Variants in FBXL20 observed in about 807,000 individuals in gnomAD.
FBXL20 encodes the protein F-box/LRR-repeat protein 20.
Under a neutral mutation model 64.0 loss-of-function variants are expected in FBXL20, and 11 were observed. The ratio of observed to expected loss-of-function variants is 0.17; its 90% CI spans 0.11 to 0.28. The LOEUF (loss-of-function observed/expected upper bound fraction) is 0.28. Ranked by LOEUF, FBXL20 falls within the 10% of genes least tolerant of loss-of-function variation. The pLI, the probability that FBXL20 is intolerant of heterozygous loss-of-function variation, is 1.00. For missense variants in FBXL20, 303 were observed against 526.2 expected (o/e 0.58, Z 4.15); for synonymous variants, 184 against 189.0 (o/e 0.97, Z 0.22).
intron 1 of FBXL20, among the ~76,000 whole-genome samples, chr17:39,398,034 G>A (rs1283487667): frequency 3.2e-5 from 2 of 62,170 alleles, no homozygotes; most frequent in African/African-American, 7.6e-5. Context: ...TTGGGAGGCC[G>A]GCGGGCGGGG....
At chr17:39,291,197 G>A (rs888024737) in intron 6 of FBXL20, among the ~76,000 whole-genome samples, 11 of 151,244 alleles carry the variant, frequency 7.3e-5, no homozygotes, top group Non-Finnish European at 1.5e-4. Context: ...TCCTGACCTC[G>A]TGATCACCCG....
chr17:39,337,566 T>A (rs532708718), intron 2 of FBXL20, among the ~76,000 whole-genome samples: 20 of 147,082 alleles, frequency 1.4e-4, no homozygotes, highest in African/African-American at 4.9e-4. Context: ...CCGCCCCGTC[T>A]GGGATGTGAG....
At chr17:39,363,834 C>CAAAAAAAAAAAAA (rs113673962) in intron 1 of FBXL20, among the ~76,000 whole-genome samples, 5 of 59,384 alleles carry the variant, frequency 8.4e-5, no homozygotes, top group Admixed American at 1.8e-4. Flanking sequence ...AAACAAAAAA[C>CAAAAAAAAAAAAA]AAAAAAAAAA....
chr17:39,317,713 T>G (rs2051982), intron 2 of FBXL20, among the ~76,000 whole-genome samples: 1,254 of 110,258 alleles, frequency 0.011, 16 homozygotes, highest in East Asian at 0.073. Flanking sequence ...TTTTTTTTTT[T>G]TTTTTTGAGA....
At chr17:39,391,303 G>A (rs571742119) in intron 1 of FBXL20, among the ~76,000 whole-genome samples, 23 of 149,612 alleles carry the variant, frequency 1.5e-4, no homozygotes, top group South Asian at 6.4e-4. Context: ...AGCAGGAATC[G>A]AAAGCAGTAT....
intron 1 of FBXL20, among the ~76,000 whole-genome samples, chr17:39,348,177 T>C (rs1312046410): frequency 6.6e-6 from 1 of 151,552 alleles, no homozygotes; most frequent in African/African-American, 2.4e-5. Context: ...AAAGATGATG[T>C]CTCGGCTGAG....
chr17:39,367,265 T>C (rs2047869633), intron 1 of FBXL20, among the ~76,000 whole-genome samples: 4 of 152,030 alleles, frequency 2.6e-5, no homozygotes, highest in Admixed American at 2.6e-4. Context: ...TGTCCTCTCA[T>C]TGTAGAATTC....
intron 2 of FBXL20, among the ~76,000 whole-genome samples, chr17:39,337,217 A>G (rs1345046684): frequency 1.3e-5 from 2 of 152,182 alleles, no homozygotes; most frequent in African/African-American, 4.8e-5. Context: ...CCAGCTCCTA[A>G]CCACGAGTGA....
At chr17:39,328,891 A>G (rs1300042606) in intron 2 of FBXL20, among the ~76,000 whole-genome samples, 1 of 152,026 alleles carries the variant, frequency 6.6e-6, no homozygotes, top group Non-Finnish European at 1.5e-5. Flanking sequence ...CTATCTCTAC[A>G]AAAAATTTAA....
intron 6 of FBXL20, among the ~76,000 whole-genome samples, chr17:39,286,035 G>T (rs1410472807): frequency 6.6e-6 from 1 of 152,162 alleles, no homozygotes; most frequent in Non-Finnish European, 1.5e-5. Flanking sequence ...TTTTTGCAAG[G>T]TATACAAAGG....
intron 2 of FBXL20, among the ~76,000 whole-genome samples, chr17:39,338,012 C>T (rs879168176): frequency 1.3e-5 from 2 of 152,134 alleles, no homozygotes; most frequent in Admixed American, 6.5e-5. Flanking sequence ...CCCCTCTGCC[C>T]GGCCACCACC....
At chr17:39,322,531 A>T (rs1424996386) in intron 2 of FBXL20, among the ~76,000 whole-genome samples, 1 of 152,160 alleles carries the variant, frequency 6.6e-6, no homozygotes, top group Non-Finnish European at 1.5e-5. Context: ...TGAGAAGTGT[A>T]TAAAAGTTAA....
intron 2 of FBXL20, among the ~76,000 whole-genome samples, chr17:39,309,763 G>T (rs1043507390): frequency 1.2e-4 from 17 of 145,796 alleles, no homozygotes; most frequent in African/African-American, 4.4e-4. Context: ...CTGCACTCCA[G>T]CCTAGGTGAC....
intron 1 of FBXL20, among the ~76,000 whole-genome samples, chr17:39,395,628 C>T (rs1469495629): frequency 6.6e-6 from 1 of 152,120 alleles, no homozygotes; most frequent in Admixed American, 6.6e-5. Flanking sequence ...GTACTCAATC[C>T]CATTGCAAAG....
At chr17:39,356,822 AT>A (rs36030405) in intron 1 of FBXL20, among the ~76,000 whole-genome samples, 124 of 145,196 alleles carry the variant, frequency 8.5e-4, no homozygotes, top group South Asian at 8.7e-4. Context: ...CACCTGGCTA[AT>A]TTTTTTTTTT....
In FBXL20 at chr17:39,253,537, T is replaced by C. The variant is rs1182572720; in HGVS notation, c.*7923A>G. 1 of 152,306 alleles carries C rather than the reference T, an allele frequency of 6.6e-6. No homozygotes were observed. The highest frequency in any genetic ancestry group is 3.2e-3 in the Middle Eastern group (1 of 316). The allele number at this position is 152,306 out of a possible 1,614,324, so 9.4% of individuals were successfully genotyped here. ...ACTCAGGGCTCCAAGAGCCACACCA[T>C]GGTGAGAAAGGACATGGGTAGCTTC... On this transcript the variant is annotated 3_prime_UTR_variant, in exon 15 of 15. Coordinates refer to ENST00000264658, the MANE Select transcript of FBXL20 (RefSeq NM_032875.3).
intron 9 of FBXL20, among the ~76,000 whole-genome samples, chr17:39,280,880 C>T (rs532035463): frequency 6.6e-6 from 1 of 152,238 alleles, no homozygotes; most frequent in Middle Eastern, 3.4e-3. Context: ...CTTCCCACCT[C>T]AGCCTCCCAA....
chr17:39,337,289 T>C (rs1417080139), intron 2 of FBXL20, among the ~76,000 whole-genome samples: 1 of 152,190 alleles, frequency 6.6e-6, no homozygotes, highest in Non-Finnish European at 1.5e-5. Context: ...CACTCAGTGC[T>C]CAATGGTGCC....
At chr17:39,359,729 T>C (rs1047039339) in intron 1 of FBXL20, among the ~76,000 whole-genome samples, 39 of 152,284 alleles carry the variant, frequency 2.6e-4, no homozygotes, top group African/African-American at 9.1e-4. Flanking sequence ...GAAAACGGTA[T>C]GGCAGTTCCC....
Sources: gnomAD v4.1 joint callset for allele counts (sites outside exome capture counted in the v4.1 genomes callset) on GRCh38, gnomAD v4.1.1 for gene constraint, MANE v1.5 for transcripts, NCBI Gene and HGNC (gene_info 2026-07-23, HGNC 2026-07-21) for gene names.